Variants in PAK5 observed in about 807,000 individuals in gnomAD.
The protein encoded by PAK5 is p21 (RAC1) activated kinase 5.
A neutral mutation model predicts 65.9 loss-of-function variants in PAK5; 16 were observed. The observed-to-expected ratio is 0.24, with a 90% confidence interval of 0.16 to 0.37. The LOEUF (loss-of-function observed/expected upper bound fraction) is 0.37, where lower values mean the gene tolerates loss of function less well. Among genes scored for constraint, PAK5 ranks in the 10% least tolerant of loss-of-function variants. The pLI, the probability that PAK5 is intolerant of heterozygous loss-of-function variation, is 1.00. For synonymous variants in PAK5, 371 were observed against 354.9 expected (o/e 1.05, Z -0.51); for missense variants, 785 against 903.9 (o/e 0.87, Z 1.69).
rs2122994653 is a variant in PAK5 at position 9,566,037 on chromosome 20, C to T, written c.1338G>A (p.Arg446=). 1 of 1,613,736 alleles carries T rather than the reference C, an allele frequency of 6.2e-7. No individual in the cohort carries two copies. Among genetic ancestry groups the T allele is most frequent in the Non-Finnish European group, 8.5e-7 (1 of 1,179,940 alleles). ...LQLVVSPGDP[R]EYLANFIKIG... is the part of the protein sequence containing the mutation. Reference sequence around the variant, plus strand: ...TTTTGATAAAGTTGGCCAAGTATTCCCTGGGGTCTCCTGGGCTGACCACCA... The same window carrying T: ...TTTTGATAAAGTTGGCCAAGTATTCTCTGGGGTCTCCTGGGCTGACCACCA... The change falls in exon 5 of 10, where the codon AGG becomes AGA. Residue 446 remains arginine, a synonymous_variant. Coordinates refer to ENST00000353224, the MANE Select transcript of PAK5 (RefSeq NM_177990.4).
At chr20:9,591,783 T>C (rs1024207475) in intron 3 of PAK5, among the ~76,000 whole-genome samples, 96 of 152,228 alleles carry the variant, frequency 6.3e-4, no homozygotes, top group African/African-American at 2.1e-3. Flanking sequence ...TTATTTTAAA[T>C]TTAGCCAAGA....
intron 2 of PAK5, among the ~76,000 whole-genome samples, chr20:9,700,567 G>T (rs751780355): frequency 1.3e-5 from 2 of 152,122 alleles, no homozygotes; most frequent in South Asian, 2.1e-4. Flanking sequence ...ATACACTTAG[G>T]GGGGCTATTG....
intron 1 of PAK5, among the ~76,000 whole-genome samples, chr20:9,756,571 T>G (rs1379037772): frequency 2.6e-5 from 4 of 152,140 alleles, no homozygotes; most frequent in African/African-American, 9.7e-5. Flanking sequence ...ATCTCAAAGT[T>G]CTGGGACAAA....
intron 1 of PAK5, among the ~76,000 whole-genome samples, chr20:9,734,400 G>T (rs1161534269): frequency 6.6e-6 from 1 of 152,072 alleles, no homozygotes; most frequent in Non-Finnish European, 1.5e-5. Flanking sequence ...AATGATAAGA[G>T]AAGGGATACA....
chr20:9,815,030 G>A (rs1649227285), intron 1 of PAK5, among the ~76,000 whole-genome samples: 1 of 152,178 alleles, frequency 6.6e-6, no homozygotes, highest in African/African-American at 2.4e-5. Context: ...GCTACTGTGT[G>A]CAGAGATCAT....
At chr20:9,809,437 C>T (rs2049272763) in intron 1 of PAK5, among the ~76,000 whole-genome samples, 1 of 140,664 alleles carries the variant, frequency 7.1e-6, no homozygotes, top group Admixed American at 7.5e-5. Flanking sequence ...AAAACAAGAA[C>T]ATACCATGAG....
intron 3 of PAK5, among the ~76,000 whole-genome samples, chr20:9,631,175 T>C (rs573404807): frequency 2.0e-5 from 3 of 152,226 alleles, no homozygotes; most frequent in African/African-American, 7.2e-5. Flanking sequence ...GACCCTAGGG[T>C]GACCCCTCAA....
intron 1 of PAK5, among the ~76,000 whole-genome samples, chr20:9,746,195 A>G (rs923136896): frequency 3.9e-5 from 6 of 152,122 alleles, no homozygotes; most frequent in African/African-American, 1.4e-4. Flanking sequence ...TCATACAGCC[A>G]TAGCCCTGCC....
intron 3 of PAK5, among the ~76,000 whole-genome samples, chr20:9,622,171 A>C (rs969458238): frequency 2.0e-5 from 3 of 150,292 alleles, no homozygotes; most frequent in Non-Finnish European, 4.4e-5. Flanking sequence ...TAGATTTAAG[A>C]AAGCAAAACA....
At chr20:9,650,433 G>C (rs1462910510) in intron 2 of PAK5, among the ~76,000 whole-genome samples, 2 of 152,184 alleles carry the variant, frequency 1.3e-5, no homozygotes, top group East Asian at 1.9e-4. Context: ...TGTAGGTGGA[G>C]AAAGAGGTTG....
intron 3 of PAK5, among the ~76,000 whole-genome samples, chr20:9,608,971 C>T (rs952969685): frequency 2.6e-4 from 40 of 152,178 alleles, no homozygotes; most frequent in African/African-American, 4.8e-5. Context: ...AATAAAGCAA[C>T]GTATCTGCAG....
intron 1 of PAK5, among the ~76,000 whole-genome samples, chr20:9,749,800 T>A (rs534165136): frequency 1.3e-5 from 2 of 152,322 alleles, no homozygotes; most frequent in East Asian, 3.9e-4. Context: ...GAGAGAAGCA[T>A]CAGCTGGACT....
At position 9,790,864 on chromosome 20, in the gene PAK5, TTGTGGAGATA is replaced by T. The variant is rs553590812; in HGVS notation, c.-162+47888_-162+47897del. 5.4e-4 allele frequency among the ~76,000 whole-genome samples: 82 copies of T among 152,220 alleles called. 2 individuals are homozygous for T. In the East Asian group the frequency reaches 0.014, roughly 27 times the overall value. ...ATGAAAGGGGAAAGGTACTAGGCAT[TTGTGGAGATA>T]TCTCACTCTGTACCATACACTCTTG... On this transcript the variant is annotated intron_variant, in intron 1 of 9. Coordinates refer to ENST00000353224, the MANE Select transcript of PAK5 (RefSeq NM_177990.4).
intron 1 of PAK5, among the ~76,000 whole-genome samples, chr20:9,713,198 A>G (rs2048099190): frequency 6.6e-6 from 1 of 152,134 alleles, no homozygotes; most frequent in Non-Finnish European, 1.5e-5. Flanking sequence ...AAAAATGGAC[A>G]AAAGACCCAA....
In PAK5 at chr20:9,724,911, C is replaced by T. The variant is rs909311254; in HGVS notation, c.-161-13476G>A. Among the ~76,000 whole-genome samples the T allele has an allele frequency of 8.5e-5, 13 of 152,108 alleles. No homozygotes were observed. The East Asian group carries it at 2.3e-3, about 27-fold the overall frequency. ...TAACTAAGAGTATAACTGGATTGTT[C>T]GAAACACAAAGGATAAATGCTTGAG... On this transcript the variant is annotated intron_variant, in intron 1 of 9. Transcript: ENST00000353224.
intron 1 of PAK5, among the ~76,000 whole-genome samples, chr20:9,777,609 C>T (rs1245258630): frequency 6.6e-6 from 1 of 152,156 alleles, no homozygotes; most frequent in Non-Finnish European, 1.5e-5. Flanking sequence ...GAGACTTATA[C>T]AACTACCTAT....
intron 1 of PAK5, among the ~76,000 whole-genome samples, chr20:9,830,620 A>G (rs1265866119): frequency 1.3e-5 from 2 of 152,160 alleles, no homozygotes; most frequent in Non-Finnish European, 2.9e-5. Flanking sequence ...ATACCTTTCT[A>G]GGATTTTCTC....
intron 1 of PAK5, among the ~76,000 whole-genome samples, chr20:9,736,736 T>A (rs2048393501): frequency 7.9e-5 from 12 of 152,206 alleles, no homozygotes; most frequent in Admixed American, 7.9e-4. Flanking sequence ...TAACTTTAAG[T>A]TTCGCTTATG....
chr20:9,553,018 C>T (rs184568627), intron 7 of PAK5, among the ~76,000 whole-genome samples: 127 of 152,222 alleles, frequency 8.3e-4, no homozygotes, highest in African/African-American at 2.8e-3. Flanking sequence ...TGAGCCACCA[C>T]GCCCTGCCAA....
Sources: gnomAD v4.1 joint callset for allele counts (sites outside exome capture counted in the v4.1 genomes callset) on GRCh38, gnomAD v4.1.1 for gene constraint, MANE v1.5 for transcripts, NCBI Gene and HGNC (gene_info 2026-07-23, HGNC 2026-07-21) for gene names.